Variants in MARK2 observed in about 807,000 individuals in gnomAD.
MARK2 encodes microtubule affinity regulating kinase 2, also known as serine/threonine-protein kinase MARK2.
Under a neutral mutation model 89.8 loss-of-function variants are expected in MARK2, and 16 were observed. The ratio of observed to expected loss-of-function variants is 0.18; its 90% CI spans 0.12 to 0.27. The LOEUF is 0.27. Among genes scored for constraint, MARK2 ranks in the 10% least tolerant of loss-of-function variants. The pLI, the probability that MARK2 is intolerant of heterozygous loss-of-function variation, is 1.00. For synonymous variants in MARK2, 382 were observed against 399.5 expected (o/e 0.96, Z 0.52); for missense variants, 621 against 1,049.9 (o/e 0.59, Z 5.65).
intron 1 of MARK2, among the ~76,000 whole-genome samples, chr11:63,844,331 A>T (rs1243537875): frequency 1.3e-5 from 2 of 152,270 alleles, no homozygotes; most frequent in Middle Eastern, 3.4e-3. Context: ...AAATTTTTTT[A>T]AATTTAGCTG....
In MARK2 at chr11:63,877,132, C is replaced by T. The variant is rs953831083; in HGVS notation, c.55-18027C>T. Among the ~76,000 whole-genome samples the T allele has an allele frequency of 1.2e-4, 12 of 97,326 alleles. No homozygotes were observed. In the Admixed American group the frequency reaches 1.3e-3, roughly 11 times the overall value. The allele number at this position is 97,326 out of a possible 152,430, so 63.8% of individuals were successfully genotyped here. A position where few individuals can be genotyped will look rare whatever the true frequency, so the allele number is the denominator to read the frequency against. ...TTTTTTTTTTTTTTTTTTTTTGAGACGGAGTCTTGCTCTGTCAACGAGGCT... is the reference window on the plus strand; with the variant it reads ...TTTTTTTTTTTTTTTTTTTTTGAGATGGAGTCTTGCTCTGTCAACGAGGCT... On this transcript the variant is annotated intron_variant, in intron 1 of 18. Coordinates refer to ENST00000402010, the MANE Select transcript of MARK2 (RefSeq NM_001039469.3).
intron 1 of MARK2, among the ~76,000 whole-genome samples, chr11:63,872,235 T>A (rs985992401): frequency 1.3e-4 from 20 of 152,344 alleles, no homozygotes; most frequent in African/African-American, 4.8e-4. Context: ...TTCCTCTCCC[T>A]GTGGGAGGGC....
chr11:63,857,885 C>T (rs1590986010), intron 1 of MARK2, among the ~76,000 whole-genome samples: 1 of 151,938 alleles, frequency 6.6e-6, no homozygotes, highest in Non-Finnish European at 1.5e-5. Context: ...TTCTGTCACC[C>T]GGGTTAGAGT....
chr11:63,892,350 A>C (rs1169201824), intron 1 of MARK2, among the ~76,000 whole-genome samples: 1 of 152,242 alleles, frequency 6.6e-6, no homozygotes, highest in African/African-American at 2.4e-5. Context: ...GGGAAATGTC[A>C]GAATCAGGAT....
intron 1 of MARK2, among the ~76,000 whole-genome samples, chr11:63,853,938 T>G (rs1322183013): frequency 1.3e-5 from 2 of 152,188 alleles, no homozygotes; most frequent in Non-Finnish European, 2.9e-5. Context: ...AATGGCGTGA[T>G]CTGTGCTCAC....
At chr11:63,856,768 G>GGTTTTTTTTTTTT (rs1565100741) in intron 1 of MARK2, among the ~76,000 whole-genome samples, 4 of 53,796 alleles carry the variant, frequency 7.4e-5, no homozygotes, top group African/African-American at 2.9e-4. Flanking sequence ...AATTTTTCAT[G>GGTTTTTTTTTTTT]TTTTTTTTTT....
chr11:63,874,674 C>G (rs1318959405), intron 1 of MARK2, among the ~76,000 whole-genome samples: 1 of 152,212 alleles, frequency 6.6e-6, no homozygotes, highest in African/African-American at 2.4e-5. Context: ...GCCCCCTCCC[C>G]TCCCTTGACA....
intron 1 of MARK2, among the ~76,000 whole-genome samples, chr11:63,880,396 G>C (rs1939018397): frequency 6.6e-6 from 1 of 152,098 alleles, no homozygotes; most frequent in Non-Finnish European, 1.5e-5. Context: ...AGTTAACCGG[G>C]CCTTAGAGTC....
Position 63,840,246 on chromosome 11 carries a change from T to C in MARK2, c.54+686T>C, listed in dbSNP as rs1052071316. On this transcript the variant is annotated intron_variant, in intron 1 of 18. Coordinates refer to ENST00000402010, the MANE Select transcript of MARK2 (RefSeq NM_001039469.3). ...GCTCCCTGGATCCTGGCGCTGGCAT[T>C]TGTCGCTTCCGTGTTTCCCCACAGC... Among the ~76,000 whole-genome samples, 5 of 152,312 alleles carry C rather than the reference T, an allele frequency of 3.3e-5. No individual in the cohort carries two copies. The East Asian group carries it at 9.6e-4, about 29-fold the overall frequency.
At chr11:63,875,698 A>C (rs541487813) in intron 1 of MARK2, among the ~76,000 whole-genome samples, 15 of 152,338 alleles carry the variant, frequency 9.8e-5, no homozygotes, top group African/African-American at 3.6e-4. Flanking sequence ...CATGGGCTAT[A>C]AAACTCAACA....
intron 1 of MARK2, among the ~76,000 whole-genome samples, chr11:63,876,029 A>G (rs1258497421): frequency 4.6e-5 from 7 of 152,230 alleles, no homozygotes; most frequent in African/African-American, 1.7e-4. Flanking sequence ...TGATTTGCAG[A>G]GTTTCCAGGC....
chr11:63,878,512 G>A (rs1380774412), intron 1 of MARK2, among the ~76,000 whole-genome samples: 1 of 151,890 alleles, frequency 6.6e-6, no homozygotes, highest in African/African-American at 2.4e-5. Context: ...TGAGACTACA[G>A]GTGCCCACCA....
At chr11:63,845,831 T>G (rs1306418636) in intron 1 of MARK2, among the ~76,000 whole-genome samples, 3 of 152,114 alleles carry the variant, frequency 2.0e-5, no homozygotes, top group African/African-American at 7.2e-5. Context: ...CAAGCGATTC[T>G]CATGCCTCAG....
At chr11:63,906,739 A>C (rs2134231646) in intron 17 of MARK2, among the ~76,000 whole-genome samples, 1 of 151,868 alleles carries the variant, frequency 6.6e-6, no homozygotes, top group African/African-American at 2.4e-5. Context: ...TGGCTCCCCC[A>C]GACCTTAGGA....
At chr11:63,864,924 T>A (rs961588133) in intron 1 of MARK2, among the ~76,000 whole-genome samples, 3 of 152,108 alleles carry the variant, frequency 2.0e-5, no homozygotes, top group African/African-American at 7.2e-5. Context: ...GAGACGAGAG[T>A]CTGACTCTGT....
chr11:63,904,253 A>G lies in MARK2; in HGVS notation c.1676+106A>G. Reference sequence around the variant, plus strand: ...TTGGGGGTCCTGCTGTGTTCTTGTCATCTTAGCCACAAGAAATGGGTCTGT... The same window carrying G: ...TTGGGGGTCCTGCTGTGTTCTTGTCGTCTTAGCCACAAGAAATGGGTCTGT... On this transcript the variant is annotated intron_variant, in intron 15 of 18. Transcript: ENST00000402010. This position sits in a 1 kb window ranked among gnomAD's most constrained non-coding sequence, Gnocchi z 6.3. 1 of 1,038,262 alleles carries G rather than the reference A, an allele frequency of 9.6e-7. No homozygotes were observed. The highest frequency in any genetic ancestry group is 1.4e-6 in the Non-Finnish European group (1 of 737,446). The allele number at this position is 1,038,262 out of a possible 1,614,324, so 64.3% of individuals were successfully genotyped here.
Position 63,887,061 on chromosome 11 carries a change from G to A in MARK2, c.55-8098G>A, listed in dbSNP as rs149956518. On this transcript the variant is annotated intron_variant, in intron 1 of 18. Transcript: ENST00000402010. Reference sequence around the variant, plus strand: ...GGTTGCTGTGGGACCACTGGGATAGGCCTTTAAACAGCACTTCACCATTGG... The same window carrying A: ...GGTTGCTGTGGGACCACTGGGATAGACCTTTAAACAGCACTTCACCATTGG... Among the ~76,000 whole-genome samples the A allele has an allele frequency of 7.5e-3, 1,149 of 152,334 alleles. 17 individuals are homozygous for A. The highest frequency in any genetic ancestry group is 0.026 in the African/African-American group (1,084 of 41,566).
chr11:63,870,275 A>G (rs1015826156), intron 1 of MARK2, among the ~76,000 whole-genome samples: 1 of 152,194 alleles, frequency 6.6e-6, no homozygotes, highest in Non-Finnish European at 1.5e-5. Context: ...GGGTCTTACA[A>G]TATTGCCCAG....
intron 1 of MARK2, among the ~76,000 whole-genome samples, chr11:63,880,654 C>T (rs1939032615): frequency 6.6e-6 from 1 of 152,124 alleles, no homozygotes; most frequent in South Asian, 2.1e-4. Flanking sequence ...TCATGGGCAG[C>T]AGGAAGTGTG....
Sources: allele counts gnomAD v4.1 joint callset (sites outside exome capture counted in the v4.1 genomes callset), GRCh38; gene constraint gnomAD v4.1.1; non-coding constraint Gnocchi (gnomAD v3.1); transcripts MANE v1.5; gene names NCBI Gene and HGNC (gene_info 2026-07-23, HGNC 2026-07-21).